EMSY: variants seen among roughly 807,000 people sequenced by gnomAD.
EMSY encodes the protein EMSY transcriptional repressor, BRCA2 interacting, also known as BRCA2-interacting transcriptional repressor EMSY.
EMSY carries 26 observed loss-of-function variants against 134.6 expected under a neutral mutation model. The ratio of observed to expected loss-of-function variants is 0.19; its 90% CI spans 0.14 to 0.27. The LOEUF (loss-of-function observed/expected upper bound fraction) is 0.27. EMSY is among the 10% of genes least tolerant of loss of function. The pLI is 1.00. For synonymous variants in EMSY, 579 were observed against 577.8 expected (o/e 1.00, Z -0.03); for missense variants, 1,305 against 1,611.4 (o/e 0.81, Z 3.26).
chr11:76,467,872 G>A (rs533402271), intron 7 of EMSY, among the ~76,000 whole-genome samples: 120 of 151,974 alleles, frequency 7.9e-4, no homozygotes, highest in African/African-American at 1.7e-3. Context: ...CATGCTACTC[G>A]GTAGGCTGAG....
At chr11:76,448,229 C>T (rs112121063) in intron 2 of EMSY, among the ~76,000 whole-genome samples, 1 of 152,136 alleles carries the variant, frequency 6.6e-6, no homozygotes, top group African/African-American at 2.4e-5. Flanking sequence ...CTTTTTATTC[C>T]ACCCAAGGCC....
intron 10 of EMSY, among the ~76,000 whole-genome samples, chr11:76,514,636 T>G (rs1590945102): frequency 6.6e-6 from 1 of 152,274 alleles, no homozygotes; most frequent in East Asian, 1.9e-4. Flanking sequence ...AAATATATAG[T>G]TCATTGGCCT....
At chr11:76,493,984 T>C (rs1316910948) in intron 8 of EMSY, among the ~76,000 whole-genome samples, 2 of 152,218 alleles carry the variant, frequency 1.3e-5, no homozygotes, top group African/African-American at 2.4e-5. Context: ...TGGGACTCTG[T>C]GGTTCTGGTG....
chr11:76,538,445 G>C (rs1462487771), intron 16 of EMSY, among the ~76,000 whole-genome samples: 3 of 151,996 alleles, frequency 2.0e-5, no homozygotes, highest in Non-Finnish European at 4.4e-5. Context: ...ATTTTTAGTA[G>C]AGATGGGATT....
chr11:76,446,979 A>C, exon 2 of EMSY: 2 of 1,613,692 alleles, frequency 1.2e-6, no homozygotes, highest in Non-Finnish European at 1.7e-6. Flanking sequence ...CTCAGCAGGG[A>C]TGAATGCAAA....
intron 4 of EMSY, 67 bp from the exon 6 acceptor site, chr11:76,458,115 GA>G: frequency 7.1e-7 from 1 of 1,412,740 alleles, no homozygotes; most frequent in South Asian, 1.4e-5. Flanking sequence ...ATATATGTTT[GA>G]GCATATATGT....
At chr11:76,480,604 C>T (rs1948934788) in intron 8 of EMSY, among the ~76,000 whole-genome samples, 1 of 152,118 alleles carries the variant, frequency 6.6e-6, no homozygotes, top group Non-Finnish European at 1.5e-5. Flanking sequence ...TATAAAAATG[C>T]TTTCTTGGGG....
At chr11:76,466,898 T>G (rs975314118) in intron 7 of EMSY, among the ~76,000 whole-genome samples, 2 of 152,224 alleles carry the variant, frequency 1.3e-5, no homozygotes, top group African/African-American at 4.8e-5. Context: ...TTGCAAGGAT[T>G]AAATGAGATT....
Position 76,526,642 on chromosome 11 carries a change from T to C in EMSY, c.1995+7T>C. ...GCAGCAAGGGAAAACGCAGGTATGC[T>C]ATAAGATATGATGATTTTTCTTGGC... is the stretch of plus-strand genomic sequence containing the variant. On this transcript the variant is annotated splice_region_variant and intron_variant, in intron 13 of 20. Coordinates refer to ENST00000334736, the Ensembl canonical transcript of EMSY. 1 of 1,597,660 alleles carries C rather than the reference T, an allele frequency of 6.3e-7. No homozygotes were observed. Among genetic ancestry groups the C allele is most frequent in the Non-Finnish European group, 8.5e-7 (1 of 1,171,662 alleles).
exon 8 of EMSY, chr11:76,472,729 A>G: frequency 6.2e-7 from 1 of 1,614,058 alleles, no homozygotes; most frequent in Non-Finnish European, 8.5e-7. Context: ...TCTGGTCAGT[A>G]ATAGCAGCAG....
Position 76,542,196 on chromosome 11 carries a change from A to T in EMSY, c.2558-20A>T. 1 of 1,613,916 alleles carries T rather than the reference A, an allele frequency of 6.2e-7. No homozygotes were observed. Among genetic ancestry groups the T allele is most frequent in the Non-Finnish European group, 8.5e-7 (1 of 1,179,772 alleles). On this transcript the variant is annotated intron_variant, in intron 17 of 20. Transcript: ENST00000334736. Reference sequence around the variant, plus strand: ...CTGTGGTGATTTCTGGAGAAATATCATCACCTCCTCTATTTTCAGTCAGCC... The same window carrying T: ...CTGTGGTGATTTCTGGAGAAATATCTTCACCTCCTCTATTTTCAGTCAGCC...
At chr11:76,533,107 C>A (rs1951101721) in intron 14 of EMSY, among the ~76,000 whole-genome samples, 1 of 152,052 alleles carries the variant, frequency 6.6e-6, no homozygotes, top group Non-Finnish European at 1.5e-5. Context: ...AGCTTTATGA[C>A]AGTGCTTCAG....
chr11:76,445,635 C>G (rs1947349959), intron 1 of EMSY, among the ~76,000 whole-genome samples: 1 of 152,118 alleles, frequency 6.6e-6, no homozygotes, highest in South Asian at 2.1e-4. Flanking sequence ...GATCCTGGTT[C>G]CCCGAGCGGG....
intron 18 of EMSY, among the ~76,000 whole-genome samples, chr11:76,542,744 T>C (rs1475019072): frequency 1.5e-5 from 2 of 130,866 alleles, no homozygotes; most frequent in Admixed American, 7.2e-5. Flanking sequence ...AGTTTGTTTT[T>C]CGTTTTTTGT....
At chr11:76,464,264 G>A (rs1329150345) in intron 7 of EMSY, among the ~76,000 whole-genome samples, 184 bp downstream of exon 8, 1 of 152,210 alleles carries the variant, frequency 6.6e-6, no homozygotes, top group East Asian at 1.9e-4. Context: ...CAGTTTTGCA[G>A]ATGAGGCTTT....
chr11:76,448,782 C>G (rs1222677048), intron 2 of EMSY, among the ~76,000 whole-genome samples: 1 of 151,470 alleles, frequency 6.6e-6, no homozygotes, highest in African/African-American at 2.4e-5. Flanking sequence ...AACTCTAGGT[C>G]CAAAGTTTAG....
intron 11 of EMSY, 57 bp downstream of exon 12, chr11:76,516,369 A>C (rs756458784): frequency 7.7e-7 from 1 of 1,301,448 alleles, no homozygotes; most frequent in South Asian, 1.7e-5. Context: ...GAGGAAAAAA[A>C]AAACTTACTT....
intron 17 of EMSY, among the ~76,000 whole-genome samples, chr11:76,541,593 C>A (rs578242698): frequency 2.0e-5 from 3 of 152,176 alleles, no homozygotes; most frequent in Non-Finnish European, 4.4e-5. Context: ...TTCAAATTCA[C>A]TTGGCTGTTT....
intron 9 of EMSY, among the ~76,000 whole-genome samples, chr11:76,502,112 A>G (rs1315458677): frequency 6.6e-6 from 1 of 151,096 alleles, no homozygotes; most frequent in African/African-American, 2.4e-5. Context: ...TCAAAAATGA[A>G]GAAAGACTTT....
Sources: gnomAD v4.1 joint callset for allele counts (sites outside exome capture counted in the v4.1 genomes callset) on GRCh38, gnomAD v4.1.1 for gene constraint, MANE v1.5 for transcripts, NCBI Gene and HGNC (gene_info 2026-07-23, HGNC 2026-07-21) for gene names.